PPFIA2: variants seen among roughly 807,000 people sequenced by gnomAD.
The protein encoded by PPFIA2 is PPFI scaffold protein A2.
In PPFIA2, 46 loss-of-function variants were observed where a neutral mutation model predicts 175.5. That is an observed-to-expected ratio of 0.26 (90% confidence interval 0.21 to 0.34). PPFIA2 has a LOEUF of 0.34. PPFIA2 is among the 10% of genes least tolerant of loss of function. PPFIA2 has a pLI of 1.00. For missense variants in PPFIA2, 1,179 were observed against 1,506.1 expected (o/e 0.78, Z 3.60); for synonymous variants, 568 against 511.4 (o/e 1.11, Z -1.49).
chr12:81,699,553 C>CA lies in PPFIA2; in HGVS notation c.250-22710dup, dbSNP rs55751137. ...TAAAATAATAATATCCTCTCTAAAA[C>CA]AAAAAAAAAATAGCTTCTTTCTTGA... is the stretch of plus-strand genomic sequence containing the variant. On this transcript the variant is annotated intron_variant, in intron 3 of 32. Coordinates refer to ENST00000549396, the MANE Select transcript of PPFIA2 (RefSeq NM_003625.5). 4.0e-4 allele frequency among the ~76,000 whole-genome samples: 60 copies of CA among 148,692 alleles called. 1 individual carries two copies. Among genetic ancestry groups the CA allele is most frequent in the African/African-American group, 6.5e-4 (26 of 40,192 alleles).
chr12:81,531,865 G>GA (rs1378942252), intron 4 of PPFIA2, among the ~76,000 whole-genome samples: 26 of 151,854 alleles, frequency 1.7e-4, no homozygotes, highest in African/African-American at 5.5e-4. Flanking sequence ...AAATAATGAG[G>GA]ACAGTAGAAT....
chr12:81,668,059 A>T (rs2070697624), intron 4 of PPFIA2, among the ~76,000 whole-genome samples: 1 of 152,062 alleles, frequency 6.6e-6, no homozygotes, highest in African/African-American at 2.4e-5. Context: ...AGGTCCTCCC[A>T]TGGGGACATC....
chr12:81,673,114 G>T (rs1188625971), intron 4 of PPFIA2, among the ~76,000 whole-genome samples: 1 of 151,914 alleles, frequency 6.6e-6, no homozygotes, highest in African/African-American at 2.4e-5. Flanking sequence ...ACAGTCTACA[G>T]ACAATTCTGG....
intron 7 of PPFIA2, among the ~76,000 whole-genome samples, chr12:81,419,256 A>T (rs1254761829): frequency 3.3e-5 from 5 of 152,028 alleles, no homozygotes; most frequent in African/African-American, 7.2e-5. Flanking sequence ...CCAGTTGCTC[A>T]ACTACGCTCT....
At chr12:81,587,499 T>C (rs2075454816) in intron 4 of PPFIA2, among the ~76,000 whole-genome samples, 1 of 152,028 alleles carries the variant, frequency 6.6e-6, no homozygotes, top group Non-Finnish European at 1.5e-5. Flanking sequence ...TTTATACCAG[T>C]GTGAAAATGG....
At chr12:81,700,502 AC>A (rs1305309078) in intron 3 of PPFIA2, among the ~76,000 whole-genome samples, 1 of 152,044 alleles carries the variant, frequency 6.6e-6, no homozygotes, top group Non-Finnish European at 1.5e-5. Flanking sequence ...GAACCTGGAA[AC>A]CCTCTCTGAC....
rs192180960 is a variant in PPFIA2, at chr12:81,296,244, G to A, written c.2725-1209C>T. Among the ~76,000 whole-genome samples the A allele has an allele frequency of 1.4e-4, 21 of 152,240 alleles. No homozygotes were observed. The East Asian group carries it at 3.1e-3, about 22-fold the overall frequency. On this transcript the variant is annotated intron_variant, in intron 23 of 32. Coordinates refer to ENST00000549396, the MANE Select transcript of PPFIA2 (RefSeq NM_003625.5). Reference sequence around the variant, plus strand: ...TGAGGCACGAGAATTGCTTAAACCCGGGAGGCAGAGGTTGCAGTGAGCTGA... The same window carrying A: ...TGAGGCACGAGAATTGCTTAAACCCAGGAGGCAGAGGTTGCAGTGAGCTGA...
At chr12:81,483,030 G>C (rs2058426057) in intron 4 of PPFIA2, among the ~76,000 whole-genome samples, 1 of 152,140 alleles carries the variant, frequency 6.6e-6, no homozygotes, top group African/African-American at 2.4e-5. Context: ...ATAAATGTGA[G>C]ATAGAATAAT....
At chr12:81,475,360 C>A (rs1317973646) in intron 4 of PPFIA2, among the ~76,000 whole-genome samples, 1 of 152,072 alleles carries the variant, frequency 6.6e-6, no homozygotes, top group African/African-American at 2.4e-5. Context: ...TCCTGATAAA[C>A]CTATTGGTGA....
At chr12:81,538,540 G>A (rs551197431) in intron 4 of PPFIA2, among the ~76,000 whole-genome samples, 29 of 151,980 alleles carry the variant, frequency 1.9e-4, no homozygotes, top group African/African-American at 6.7e-4. Flanking sequence ...GATGAGGGAA[G>A]GGGTATTGCC....
intron 3 of PPFIA2, among the ~76,000 whole-genome samples, chr12:81,694,445 T>C (rs1022152854): frequency 2.0e-5 from 3 of 152,174 alleles, no homozygotes; most frequent in Non-Finnish European, 4.4e-5. Context: ...CAGATACTGA[T>C]AGTGCAAAAG....
Position 81,465,167 on chromosome 12 carries a change from T to C in PPFIA2, c.304-7301A>G, listed in dbSNP as rs969116569. 5 of 152,142 alleles carry C rather than the reference T, an allele frequency of 3.3e-5. No homozygotes were observed. In the East Asian group the frequency reaches 9.6e-4, roughly 29 times the overall value. 9.4% of individuals were successfully genotyped at this position (152,142 alleles called of 1,614,324 possible). ...TTACAATTTTAATACTCTTTACCTT[T>C]CAATTAAACCTGCATTTTCTAATCT... is the stretch of plus-strand genomic sequence containing the variant. On this transcript the variant is annotated intron_variant, in intron 4 of 32. Coordinates refer to ENST00000549396, the MANE Select transcript of PPFIA2 (RefSeq NM_003625.5).
chr12:81,491,356 A>C (rs1232431309), intron 4 of PPFIA2, among the ~76,000 whole-genome samples: 2 of 151,530 alleles, frequency 1.3e-5, no homozygotes. Context: ...CCTCATCTCC[A>C]TTTATTTCCT....
At chr12:81,693,051 A>G (rs2075444036) in intron 3 of PPFIA2, among the ~76,000 whole-genome samples, 1 of 152,158 alleles carries the variant, frequency 6.6e-6, no homozygotes, top group East Asian at 1.9e-4. Flanking sequence ...AATACTTTCT[A>G]ACATAAGTAC....
At chr12:81,701,819 C>A (rs2076508602) in intron 3 of PPFIA2, among the ~76,000 whole-genome samples, 1 of 150,086 alleles carries the variant, frequency 6.7e-6, no homozygotes, top group East Asian at 2.0e-4. Context: ...TGTTTCATTT[C>A]GTCAGTCACA....
At chr12:81,708,139 T>C (rs2077446284) in intron 3 of PPFIA2, among the ~76,000 whole-genome samples, 1 of 151,548 alleles carries the variant, frequency 6.6e-6, no homozygotes, top group South Asian at 2.1e-4. Flanking sequence ...AACCTGCATA[T>C]TGTGCACATG....
intron 4 of PPFIA2, among the ~76,000 whole-genome samples, chr12:81,624,545 T>C (rs2062459603): frequency 6.8e-6 from 1 of 146,564 alleles, no homozygotes; most frequent in African/African-American, 2.5e-5. Context: ...ATAACACATA[T>C]ATAACAAAAT....
chr12:81,742,830 A>G (rs1247210610), intron 3 of PPFIA2, among the ~76,000 whole-genome samples: 1 of 152,184 alleles, frequency 6.6e-6, no homozygotes, highest in Non-Finnish European at 1.5e-5. Flanking sequence ...GAGGAAAACC[A>G]GGCAAGTGGG....
chr12:81,729,047 G>A (rs575891390), intron 3 of PPFIA2, among the ~76,000 whole-genome samples: 138 of 151,496 alleles, frequency 9.1e-4, no homozygotes, highest in African/African-American at 3.1e-3. Flanking sequence ...CTTTCATTAC[G>A]AAATATCAAA....
Sources: allele counts gnomAD v4.1 joint callset (sites outside exome capture counted in the v4.1 genomes callset), GRCh38; gene constraint gnomAD v4.1.1; transcripts MANE v1.5; gene names NCBI Gene and HGNC (gene_info 2026-07-23, HGNC 2026-07-21).